MAF: variants seen among roughly 807,000 people sequenced by gnomAD.
MAF encodes the protein MAF bZIP transcription factor.
In MAF, 10 loss-of-function variants were observed where a neutral mutation model predicts 22.0. That is an observed-to-expected ratio of 0.45 (90% CI 0.28 to 0.77). The LOEUF is 0.77. MAF is among the 30% of genes least tolerant of loss of function. The probability of loss-of-function intolerance (pLI) is 0.12; values close to 1 mark genes in which losing one functional copy is unlikely to be tolerated. For synonymous variants in MAF, 337 were observed against 255.8 expected (o/e 1.32, Z -3.03); for missense variants, 544 against 548.4 (o/e 0.99, Z 0.08).
At chr16:79,517,053 C>A in the MAF span, among the ~76,000 whole-genome samples, 1 of 152,098 alleles carries the variant, frequency 6.6e-6, no homozygotes, top group Non-Finnish European at 1.5e-5. Flanking sequence ...AGGACCATAG[C>A]ACACTGCTCT....
At chr16:79,545,871 G>A in the MAF span, among the ~76,000 whole-genome samples, 1 of 152,056 alleles carries the variant, frequency 6.6e-6, no homozygotes, top group Admixed American at 6.5e-5. Flanking sequence ...CTTCAAACTT[G>A]CTTAGAGAGT....
chr16:79,446,235 A>C, the MAF span, among the ~76,000 whole-genome samples: 1 of 152,186 alleles, frequency 6.6e-6, no homozygotes, highest in African/African-American at 2.4e-5. Flanking sequence ...TATGGTTCAT[A>C]GAGCACTAGA....
chr16:79,207,673 T>G, the MAF span, among the ~76,000 whole-genome samples: 1 of 152,240 alleles, frequency 6.6e-6, no homozygotes, highest in East Asian at 1.9e-4. Flanking sequence ...TTCTTTTAAA[T>G]GAGCATGCAT....
At chr16:79,380,288 T>C in the MAF span, among the ~76,000 whole-genome samples, 1 of 152,194 alleles carries the variant, frequency 6.6e-6, no homozygotes, top group Admixed American at 6.5e-5. Context: ...TTTCTTCATG[T>C]ATAAGACAAA....
chr16:79,533,966 G>A, the MAF span, among the ~76,000 whole-genome samples: 1 of 152,178 alleles, frequency 6.6e-6, no homozygotes, highest in Non-Finnish European at 1.5e-5. Flanking sequence ...GGAAATTCAT[G>A]CCCTCCTGTT....
chr16:79,509,512 C>T, the MAF span, among the ~76,000 whole-genome samples: 2 of 151,666 alleles, frequency 1.3e-5, no homozygotes, highest in African/African-American at 4.9e-5. Context: ...ACACGAGGCC[C>T]TGCTGGGGCT....
chr16:79,324,555 T>C, the MAF span, among the ~76,000 whole-genome samples: 110 of 152,262 alleles, frequency 7.2e-4, no homozygotes, highest in Non-Finnish European at 1.0e-3. Flanking sequence ...GCAAGCATTA[T>C]CTTTATGTTA....
At chr16:79,406,236 C>T in the MAF span, among the ~76,000 whole-genome samples, 2 of 152,196 alleles carry the variant, frequency 1.3e-5, no homozygotes, top group Non-Finnish European at 2.9e-5. Flanking sequence ...CCTTCATATC[C>T]TGTCTCAGGG....
chr16:79,278,762 G>A, the MAF span, among the ~76,000 whole-genome samples: 3 of 152,096 alleles, frequency 2.0e-5, no homozygotes, highest in Non-Finnish European at 4.4e-5. Context: ...ACAGGGACCC[G>A]CCCTGACAGG....
chr16:79,535,853 G>A, the MAF span, among the ~76,000 whole-genome samples: 1 of 152,096 alleles, frequency 6.6e-6, no homozygotes, highest in African/African-American at 2.4e-5. Flanking sequence ...TTACAGGCAT[G>A]AGCCACCACA....
At chr16:79,450,079 T>A in the MAF span, among the ~76,000 whole-genome samples, 4 of 152,346 alleles carry the variant, frequency 2.6e-5, no homozygotes, top group African/African-American at 9.6e-5. Context: ...ATTCCCTTAT[T>A]ATTAAGCAAT....
chr16:79,547,194 C>T, the MAF span, among the ~76,000 whole-genome samples: 1 of 151,996 alleles, frequency 6.6e-6, no homozygotes, highest in East Asian at 1.9e-4. Flanking sequence ...CACAAACACA[C>T]ATCCCTCCAT....
chr16:79,247,912 CT>C, the MAF span, among the ~76,000 whole-genome samples: 2 of 152,104 alleles, frequency 1.3e-5, no homozygotes, highest in Admixed American at 1.3e-4. Context: ...AGTGAAAACT[CT>C]TTTTATTTTG....
the MAF span, among the ~76,000 whole-genome samples, chr16:79,519,342 T>C: frequency 2.0e-5 from 3 of 152,166 alleles, no homozygotes; most frequent in Non-Finnish European, 4.4e-5. Context: ...TGCTATGCAA[T>C]TGCAACTCCC....
chr16:79,337,202 C>T, the MAF span, among the ~76,000 whole-genome samples: 10 of 152,224 alleles, frequency 6.6e-5, no homozygotes, highest in East Asian at 3.9e-4. Context: ...TTGTGGATAC[C>T]GTGGCCTCCT....
At chr16:79,537,182 A>G in the MAF span, among the ~76,000 whole-genome samples, 2 of 152,176 alleles carry the variant, frequency 1.3e-5, no homozygotes, top group Non-Finnish European at 2.9e-5. Context: ...ATCTATTCTC[A>G]GTTCATATCT....
At chr16:79,502,708 A>AATATAAATATATATATATATATAAAT in the MAF span, among the ~76,000 whole-genome samples, 2 of 34,008 alleles carry the variant, frequency 5.9e-5, no homozygotes, top group African/African-American at 1.8e-4. Context: ...TATAAATATA[A>AATATAAATATATATATATATATAAAT]ATATATATAT....
At chr16:79,341,692 T>A in the MAF span, among the ~76,000 whole-genome samples, 3 of 152,184 alleles carry the variant, frequency 2.0e-5, no homozygotes, top group African/African-American at 7.2e-5. Flanking sequence ...ATTTTAACAA[T>A]ATAACTCTGG....
the MAF span, among the ~76,000 whole-genome samples, chr16:79,477,768 A>G: frequency 2.1e-4 from 32 of 151,978 alleles, no homozygotes; most frequent in Non-Finnish European, 2.8e-4. Context: ...TCTGTTGCCC[A>G]GGCTGGAGTG....
Sources: gnomAD v4.1 joint callset for allele counts (sites outside exome capture counted in the v4.1 genomes callset) on GRCh38, gnomAD v4.1.1 for gene constraint, MANE v1.5 for transcripts, NCBI Gene and HGNC (gene_info 2026-07-23, HGNC 2026-07-21) for gene names.